Variants in SLCO3A1 observed in about 807,000 individuals in gnomAD.
SLCO3A1 encodes the protein PGE1 transporter.
SLCO3A1 carries 27 observed loss-of-function variants against 63.1 expected under a neutral mutation model. The ratio of observed to expected loss-of-function variants is 0.43; its 90% CI spans 0.32 to 0.59. The LOEUF (loss-of-function observed/expected upper bound fraction) is 0.59. Among genes scored for constraint, SLCO3A1 ranks in the 20% least tolerant of loss-of-function variants. The pLI is 0.09. For missense variants in SLCO3A1, 773 were observed against 945.8 expected (o/e 0.82, Z 2.40); for synonymous variants, 473 against 409.9 (o/e 1.15, Z -1.86).
intron 3 of SLCO3A1, among the ~76,000 whole-genome samples, chr15:92,100,356 C>T (rs1286881243): frequency 1.3e-5 from 2 of 152,184 alleles, no homozygotes; most frequent in African/African-American, 4.8e-5. Flanking sequence ...TACTTAGAGT[C>T]CCCAGAATGT....
Position 91,941,310 on chromosome 15 carries a change from G to C in SLCO3A1, c.646+24852G>C. On this transcript the variant is annotated intron_variant, in intron 2 of 9. Transcript: ENST00000318445. This position sits in a 1 kb window ranked among gnomAD's most constrained non-coding sequence, Gnocchi z 4.4. ...CGGGGCTCGGCTGGGGGGTGGGAGA[G>C]AGACACTGAATCAGTGCATGAGTGA... The C allele has an allele frequency of 3.7e-6, 1 of 268,542 alleles. No individual in the cohort carries two copies. Among genetic ancestry groups the C allele is most frequent in the South Asian group, 3.5e-5 (1 of 28,396 alleles). 16.6% of individuals were successfully genotyped at this position (268,542 alleles called of 1,614,324 possible). A position where few individuals can be genotyped will look rare whatever the true frequency, so the allele number is the denominator to read the frequency against.
intron 2 of SLCO3A1, among the ~76,000 whole-genome samples, chr15:92,091,845 T>G (rs1475426444): frequency 1.3e-5 from 2 of 152,336 alleles, no homozygotes; most frequent in East Asian, 3.9e-4. Flanking sequence ...TTTTAGCTTA[T>G]CTTTGTTCAG....
chr15:92,085,833 G>A (rs1029291315), intron 2 of SLCO3A1, among the ~76,000 whole-genome samples: 2 of 152,024 alleles, frequency 1.3e-5, no homozygotes, highest in African/African-American at 2.4e-5. Context: ...CCTTTCCCTG[G>A]TGTTCTTTAT....
intron 2 of SLCO3A1, among the ~76,000 whole-genome samples, chr15:92,041,911 T>C (rs2046801444): frequency 6.6e-6 from 1 of 151,890 alleles, no homozygotes; most frequent in Non-Finnish European, 1.5e-5. Context: ...ATTCTAATCA[T>C]GTAATTGGAG....
Position 91,948,301 on chromosome 15 carries a change from G to C in SLCO3A1, c.646+31843G>C, listed in dbSNP as rs1356091107. On this transcript the variant is annotated intron_variant, in intron 2 of 9. Coordinates refer to ENST00000318445, the MANE Select transcript of SLCO3A1 (RefSeq NM_013272.4). This position sits in a 1 kb window ranked among gnomAD's most constrained non-coding sequence, Gnocchi z 4.8. ...GGGCTCAAATGTGACCCTGCGTAGT[G>C]CTCCTGGGAGGTGCATTTGAGCTGT... Among the ~76,000 whole-genome samples the C allele has an allele frequency of 6.6e-6, 1 of 152,164 alleles. No homozygotes were observed. The highest frequency in any genetic ancestry group is 1.5e-5 in the Non-Finnish European group (1 of 68,032).
At chr15:92,135,993 C>T (rs953400485) in intron 7 of SLCO3A1, among the ~76,000 whole-genome samples, 3 of 152,124 alleles carry the variant, frequency 2.0e-5, no homozygotes, top group Admixed American at 6.6e-5. Context: ...CATAGTGAGA[C>T]CCCTATCTCT....
chr15:91,856,222 G>T lies in SLCO3A1; in HGVS notation c.180+2134G>T, dbSNP rs1434039672. Among the ~76,000 whole-genome samples the T allele has an allele frequency of 2.0e-5, 3 of 151,988 alleles. No homozygotes were observed. Among genetic ancestry groups the T allele is most frequent in the Non-Finnish European group, 4.4e-5 (3 of 68,012 alleles). On this transcript the variant is annotated intron_variant, in intron 1 of 9. Coordinates refer to ENST00000318445, the MANE Select transcript of SLCO3A1 (RefSeq NM_013272.4). This position sits in a 1 kb window ranked among gnomAD's most constrained non-coding sequence, Gnocchi z 4.9. ...GCTGATGGAAAGCCTGGTTGGGTGG[G>T]GTAGGGTAACAGGAGTCAACAGGTG...
rs2048489406 is a variant in SLCO3A1, at chr15:92,165,790, A to C, written c.*2655A>C. On this transcript the variant is annotated 3_prime_UTR_variant, in exon 10 of 10. Coordinates refer to ENST00000318445, the MANE Select transcript of SLCO3A1 (RefSeq NM_013272.4). ...AGAAGCATTGTACATACAACACTAG[A>C]TCCAGCCCCTCGATTATCTGTTTGG... The C allele has an allele frequency of 1.0e-6, 1 of 985,284 alleles. No homozygotes were observed. The highest frequency in any genetic ancestry group is 1.2e-6 in the Non-Finnish European group (1 of 829,918). 61.0% of individuals were successfully genotyped at this position (985,284 alleles called of 1,614,324 possible).
intron 1 of SLCO3A1, among the ~76,000 whole-genome samples, chr15:91,896,103 A>G (rs1028148675): frequency 6.6e-6 from 1 of 152,244 alleles, no homozygotes; most frequent in South Asian, 2.1e-4. Context: ...AATTACAGCT[A>G]ACTCCAGAGA....
At chr15:92,068,652 TA>T (rs1181328875) in intron 2 of SLCO3A1, among the ~76,000 whole-genome samples, 1 of 152,224 alleles carries the variant, frequency 6.6e-6, no homozygotes, top group African/African-American at 2.4e-5. Context: ...GGCCTCATAC[TA>T]AAGCAAGCCT....
chr15:92,031,263 C>G, intron 2 of SLCO3A1, among the ~76,000 whole-genome samples: 1 of 151,958 alleles, frequency 6.6e-6, no homozygotes, highest in Admixed American at 6.6e-5. Context: ...AAAGAGATGA[C>G]TCAGTAGAAA....
intron 1 of SLCO3A1, among the ~76,000 whole-genome samples, chr15:91,855,449 A>T (rs969629403): frequency 1.3e-5 from 2 of 152,206 alleles, no homozygotes; most frequent in African/African-American, 4.8e-5. Flanking sequence ...TCTGTTGCTC[A>T]TTCTGAGACG....
At chr15:92,074,700 T>A (rs2151517849) in intron 2 of SLCO3A1, among the ~76,000 whole-genome samples, 1 of 152,148 alleles carries the variant, frequency 6.6e-6, no homozygotes, top group South Asian at 2.1e-4. Flanking sequence ...AAAGCCATCT[T>A]CCAGGACAGA....
intron 2 of SLCO3A1, among the ~76,000 whole-genome samples, chr15:92,063,868 A>C (rs1258195484): frequency 6.6e-6 from 1 of 151,946 alleles, no homozygotes; most frequent in Non-Finnish European, 1.5e-5. Flanking sequence ...AACAAACAAA[A>C]AAATCATGAA....
At chr15:91,908,319 G>A (rs1035362897) in intron 1 of SLCO3A1, among the ~76,000 whole-genome samples, 1 of 151,586 alleles carries the variant, frequency 6.6e-6, no homozygotes, top group African/African-American at 2.4e-5. Flanking sequence ...AAGAAAAATG[G>A]TTTTAAAATG....
chr15:92,031,383 T>G (rs1047014936), intron 2 of SLCO3A1, among the ~76,000 whole-genome samples: 1 of 152,248 alleles, frequency 6.6e-6, no homozygotes, highest in Non-Finnish European at 1.5e-5. Flanking sequence ...GGAGCCTGTT[T>G]TGTTTGGTTG....
At chr15:91,877,446 A>C (rs1897428021) in intron 1 of SLCO3A1, among the ~76,000 whole-genome samples, 1 of 152,224 alleles carries the variant, frequency 6.6e-6, no homozygotes, top group African/African-American at 2.4e-5. Flanking sequence ...TCAAAACACA[A>C]GAAATCGCTA....
intron 7 of SLCO3A1, among the ~76,000 whole-genome samples, chr15:92,144,910 C>G (rs1308160828): frequency 6.6e-6 from 1 of 152,076 alleles, no homozygotes. Context: ...TGATCAAATG[C>G]AGAGATGGTA....
chr15:91,906,516 G>T (rs182478508), intron 1 of SLCO3A1, among the ~76,000 whole-genome samples: 51 of 152,342 alleles, frequency 3.3e-4, no homozygotes, highest in Admixed American at 1.8e-3. Flanking sequence ...GGCATATAAA[G>T]AAGCCCAATT....
Sources: gnomAD v4.1 joint callset for allele counts (sites outside exome capture counted in the v4.1 genomes callset) on GRCh38, gnomAD v4.1.1 for gene constraint, Gnocchi (gnomAD v3.1) non-coding constraint, MANE v1.5 for transcripts, NCBI Gene and HGNC (gene_info 2026-07-23, HGNC 2026-07-21) for gene names.